The following TRPS1 variants were observed in gnomAD, a reference collection of about 807,000 sequenced individuals.
TRPS1 encodes the protein zinc finger transcription factor Trps1.
TRPS1 carries 6 observed loss-of-function variants against 101.2 expected under a neutral mutation model. That is an observed-to-expected ratio of 0.06 (90% CI 0.03 to 0.12). The LOEUF is 0.12. Ranked by LOEUF, TRPS1 falls within the 10% of genes least tolerant of loss-of-function variation. The probability of loss-of-function intolerance (pLI) is 1.00; values close to 1 mark genes in which losing one functional copy is unlikely to be tolerated. For synonymous variants in TRPS1, 578 were observed against 589.8 expected (o/e 0.98, Z 0.29); for missense variants, 1,363 against 1,567.0 (o/e 0.87, Z 2.20).
intron 5 of TRPS1, among the ~76,000 whole-genome samples, chr8:115,559,276 T>C (rs1418314149): frequency 6.6e-6 from 1 of 152,142 alleles, no homozygotes; most frequent in African/African-American, 2.4e-5. Flanking sequence ...ACTTGAAATA[T>C]TGATACAAAA....
At chr8:115,576,819 G>C (rs1817330013) in intron 5 of TRPS1, among the ~76,000 whole-genome samples, 1 of 152,106 alleles carries the variant, frequency 6.6e-6, no homozygotes, top group South Asian at 2.1e-4. Flanking sequence ...GGAAAGCTCT[G>C]ATTTTAAAAA....
At chr8:115,415,693 T>C (rs1812902504) in intron 6 of TRPS1, among the ~76,000 whole-genome samples, 1 of 152,174 alleles carries the variant, frequency 6.6e-6, no homozygotes, top group Non-Finnish European at 1.5e-5. Flanking sequence ...CTCTCCACTA[T>C]GTGAGGGCAC....
rs887461234 is a variant in TRPS1, at chr8:115,646,737, A to G, written c.-122+21808T>C. Reference sequence around the variant, plus strand: ...TTATTTAGCTAAGACGTTTGACGGCAAACTGTAGTTATTAATAATTGGTTT... The same window carrying G: ...TTATTTAGCTAAGACGTTTGACGGCGAACTGTAGTTATTAATAATTGGTTT... On this transcript the variant is annotated intron_variant, in intron 1 of 6. Coordinates refer to ENST00000395715, the MANE Select transcript of TRPS1 (RefSeq NM_014112.5). Among the ~76,000 whole-genome samples the G allele has an allele frequency of 1.8e-4, 28 of 152,274 alleles. 1 individual carries two copies. The highest frequency in any genetic ancestry group is 6.5e-4 in the African/African-American group (27 of 41,566).
intron 5 of TRPS1, among the ~76,000 whole-genome samples, chr8:115,441,725 G>A (rs1018339146): frequency 1.3e-5 from 2 of 152,240 alleles, no homozygotes; most frequent in East Asian, 1.9e-4. Context: ...AAGGCAAAAA[G>A]TAATGTGGAA....
rs148023627 is a variant in TRPS1, at chr8:115,414,580, G to A, written c.3328C>T (p.Leu1110Phe). 1.1e-4 allele frequency: 176 copies of A among 1,613,992 alleles called. No individual in the cohort carries two copies. The African/African-American group carries it at 1.8e-3, about 17-fold the overall frequency. Residue 1110 changes from leucine (L) to phenylalanine (F), a missense_variant, in exon 7 of 7, where the codon CTT becomes TTT. Leu to Phe is a conservative substitution (Grantham distance 22, BLOSUM62 0). Around this residue, in one of 5 missense-constraint regions of TRPS1, gnomAD observed 307 missense variants for 392.4 expected, o/e 0.78. Transcript: ENST00000395715. The surrounding 1 kb of genome is among the most constrained non-coding windows in gnomAD (Gnocchi z 4.8). ...TGGAAGTCATTATGTACAAAGGGAA[G>A]TCCAAAAAGTGGGTACTGGTACTTT... is the stretch of plus-strand genomic sequence containing the variant. Reference protein sequence around the residue: ...IEKYQYPLFGLPFVHNDFQSE... With the variant: ...IEKYQYPLFGFPFVHNDFQSE...
chr8:115,563,011 G>A (rs1586405985), intron 5 of TRPS1, among the ~76,000 whole-genome samples: 2 of 151,562 alleles, frequency 1.3e-5, no homozygotes, highest in Non-Finnish European at 2.9e-5. Flanking sequence ...TAGCATGATC[G>A]AGTAGATTAA....
intron 1 of TRPS1, among the ~76,000 whole-genome samples, chr8:115,624,060 T>C (rs1483799515): frequency 6.6e-6 from 1 of 152,020 alleles, no homozygotes; most frequent in Non-Finnish European, 1.5e-5. Flanking sequence ...CTTAACTACA[T>C]TGGGGTGGGG....
At chr8:115,661,501 G>A (rs1563676923) in intron 1 of TRPS1, 2 of 151,968 alleles carry the variant, frequency 1.3e-5, no homozygotes, top group Admixed American at 6.6e-5. Context: ...TACATTGCTA[G>A]AACTCCTCTC....
intron 5 of TRPS1, among the ~76,000 whole-genome samples, chr8:115,540,407 T>C (rs1816424323): frequency 6.6e-6 from 1 of 152,048 alleles, no homozygotes; most frequent in South Asian, 2.1e-4. Context: ...TAAACCACAA[T>C]AAAACGAAAT....
intron 5 of TRPS1, among the ~76,000 whole-genome samples, chr8:115,529,321 G>A (rs531127168): frequency 2.0e-5 from 3 of 152,092 alleles, no homozygotes; most frequent in African/African-American, 7.2e-5. Flanking sequence ...GCAAGGTTTT[G>A]CTGTGTCTTT....
chr8:115,415,459 G>A (rs1379690119), intron 6 of TRPS1, among the ~76,000 whole-genome samples: 7 of 152,096 alleles, frequency 4.6e-5, no homozygotes, highest in Admixed American at 4.6e-4. Flanking sequence ...GCACTAAAAT[G>A]CCAGCATATA....
intron 1 of TRPS1, among the ~76,000 whole-genome samples, chr8:115,643,121 C>T (rs569947621): frequency 2.7e-4 from 41 of 152,248 alleles, no homozygotes; most frequent in Non-Finnish European, 5.0e-4. Context: ...CTAACAGTCA[C>T]CTGAGTCTTG....
At chr8:115,454,165 G>T (rs1231825473) in intron 5 of TRPS1, among the ~76,000 whole-genome samples, 1 of 152,134 alleles carries the variant, frequency 6.6e-6, no homozygotes, top group Non-Finnish European at 1.5e-5. Flanking sequence ...ATGCTAGCCT[G>T]AGACATACCT....
In TRPS1 at chr8:115,409,919, CTTTTTTTT is replaced by C. The variant is rs71287271; in HGVS notation, c.*4096_*4103del. ...ACCAAAGACGACTTGATCTTTTTTT[CTTTTTTTT>C]TTTTTGCCATGGCTCTCAAACCAAA... On this transcript the variant is annotated 3_prime_UTR_variant, in exon 7 of 7. Transcript: ENST00000395715. The C allele has an allele frequency of 2.8e-5, 4 of 143,490 alleles. No individual in the cohort carries two copies. Among genetic ancestry groups the C allele is most frequent in the Non-Finnish European group, 1.5e-5 (1 of 65,820 alleles). 8.9% of individuals were successfully genotyped at this position (143,490 alleles called of 1,614,324 possible).
chr8:115,478,636 T>G (rs1814665945), intron 5 of TRPS1, among the ~76,000 whole-genome samples: 1 of 151,996 alleles, frequency 6.6e-6, no homozygotes, highest in Non-Finnish European at 1.5e-5. Context: ...AAACCCCATC[T>G]GTCCTAAAAA....
At chr8:115,523,260 T>C (rs1815912110) in intron 5 of TRPS1, among the ~76,000 whole-genome samples, 1 of 152,088 alleles carries the variant, frequency 6.6e-6, no homozygotes, top group South Asian at 2.1e-4. Flanking sequence ...TCAGAAGGGC[T>C]TAAAAGGTTT....
chr8:115,470,206 G>T (rs889910832), intron 5 of TRPS1, among the ~76,000 whole-genome samples: 1 of 152,114 alleles, frequency 6.6e-6, no homozygotes, highest in East Asian at 1.9e-4. Context: ...ATGAATCAGA[G>T]GACTTCAATC....
At chr8:115,656,782 T>G (rs536394304) in intron 1 of TRPS1, among the ~76,000 whole-genome samples, 43 of 152,164 alleles carry the variant, frequency 2.8e-4, no homozygotes, top group African/African-American at 1.0e-3. Context: ...CATCAAAACA[T>G]TTCTGAAAAC....
chr8:115,616,462 T>C (rs1301900264), intron 3 of TRPS1, among the ~76,000 whole-genome samples: 1 of 152,074 alleles, frequency 6.6e-6, no homozygotes, highest in Non-Finnish European at 1.5e-5. Flanking sequence ...ACCATCCATG[T>C]CAAACCAAAA....
Sources: gnomAD v4.1 joint callset for allele counts (sites outside exome capture counted in the v4.1 genomes callset) on GRCh38, gnomAD v4.1.1 for gene constraint, gnomAD v4.1.1 regional missense constraint, Gnocchi (gnomAD v3.1) non-coding constraint, MANE v1.5 for transcripts, NCBI Gene and HGNC (gene_info 2026-07-23, HGNC 2026-07-21) for gene names.